The following ZNHIT6 variants were observed in gnomAD, a reference collection of about 807,000 sequenced individuals.
The protein encoded by ZNHIT6 is box C/D snoRNA protein 1.
In ZNHIT6, 45 loss-of-function variants were observed where a neutral mutation model predicts 57.2. That is an observed-to-expected ratio of 0.79 (90% CI 0.62 to 1.01). The LOEUF is 1.01. Among genes scored for constraint, ZNHIT6 ranks in the 50% least tolerant of loss-of-function variants. ZNHIT6 has a pLI of 0.00. For missense variants in ZNHIT6, 528 were observed against 567.3 expected (o/e 0.93, Z 0.70); for synonymous variants, 188 against 190.0 (o/e 0.99, Z 0.09).
intron 5 of ZNHIT6, among the ~76,000 whole-genome samples, chr1:85,683,144 G>A (rs1661925637): frequency 2.0e-5 from 3 of 152,158 alleles, no homozygotes; most frequent in African/African-American, 7.2e-5. Context: ...CTGAGCCCAG[G>A]AGATTAAGGC....
intron 8 of ZNHIT6, among the ~76,000 whole-genome samples, chr1:85,666,919 C>T (rs924961918): frequency 1.2e-4 from 19 of 152,084 alleles, no homozygotes; most frequent in Admixed American, 5.2e-4. Flanking sequence ...GTTTTATTCT[C>T]GCTTTCTTTT....
chr1:85,708,355 T>G lies in ZNHIT6; in HGVS notation c.-71A>C. The G allele has an allele frequency of 1.3e-6, 2 of 1,513,216 alleles. No homozygotes were observed. Among genetic ancestry groups the G allele is most frequent in the East Asian group, 4.6e-5 (2 of 43,868 alleles). The allele number at this position is 1,513,216 out of a possible 1,614,324, so 93.7% of individuals were successfully genotyped here. ...GGCTGCTGCACACCAATAGGAGGAA[T>G]TACCGGTCGGAATACCTACGGCGGC... On this transcript the variant is annotated 5_prime_UTR_variant, in exon 1 of 10. Coordinates refer to ENST00000370574, the MANE Select transcript of ZNHIT6 (RefSeq NM_017953.4).
chr1:85,702,074 G>A lies in ZNHIT6; in HGVS notation c.1019+83C>T, dbSNP rs534418631. 9.5e-6 allele frequency: 8 copies of A among 844,654 alleles called. No individual in the cohort carries two copies. In the East Asian group the frequency reaches 1.5e-4, roughly 16 times the overall value. The allele number at this position is 844,654 out of a possible 1,614,324, so 52.3% of individuals were successfully genotyped here. On this transcript the variant is annotated intron_variant, in intron 5 of 9. Coordinates refer to ENST00000370574, the MANE Select transcript of ZNHIT6 (RefSeq NM_017953.4). Reference sequence around the variant, plus strand: ...AGTTTACAGAACCACACTTGGGGTAGCAATGCTCTATAGCAACCAAACCTT... The same window carrying A: ...AGTTTACAGAACCACACTTGGGGTAACAATGCTCTATAGCAACCAAACCTT...
In ZNHIT6 at chr1:85,653,676, C is replaced by T. The variant is rs180679728; in HGVS notation, c.*382G>A. 134 of 157,822 alleles carry T rather than the reference C, an allele frequency of 8.5e-4. 1 individual carries two copies. In the East Asian group the frequency reaches 0.019, roughly 22 times the overall value. 9.8% of individuals were successfully genotyped at this position (157,822 alleles called of 1,614,324 possible). On this transcript the variant is annotated 3_prime_UTR_variant, in exon 10 of 10. Coordinates refer to ENST00000370574, the MANE Select transcript of ZNHIT6 (RefSeq NM_017953.4). ...CTGTTGGGAGGCTGCAGTGAGAGGA[C>T]CATTCGAGCCCAGGAATTTGAGGAA...
chr1:85,683,153 G>C (rs964586987), intron 5 of ZNHIT6, among the ~76,000 whole-genome samples: 1 of 152,100 alleles, frequency 6.6e-6, no homozygotes, highest in Non-Finnish European at 1.5e-5. Context: ...GGAGATTAAG[G>C]CTGCAGTGAA....
At position 85,694,650 on chromosome 1, in the gene ZNHIT6, C is replaced by T. The variant is rs372323875; in HGVS notation, c.1019+7507G>A. 1.0e-3 allele frequency among the ~76,000 whole-genome samples: 152 copies of T among 152,184 alleles called. 4 individuals are homozygous for T. The East Asian group carries it at 0.028, about 28-fold the overall frequency. On this transcript the variant is annotated intron_variant, in intron 5 of 9. Transcript: ENST00000370574. ...CTAATTTTTGTATTTTTAGTAGAGA[C>T]GGGGTTTCACCATGTTAGCCAGGAT... is the stretch of plus-strand genomic sequence containing the variant.
chr1:85,660,767 T>G (rs896270221), intron 8 of ZNHIT6, among the ~76,000 whole-genome samples: 8 of 152,162 alleles, frequency 5.3e-5, no homozygotes, highest in African/African-American at 1.9e-4. Context: ...GGTTCCTGTT[T>G]TACATGCTAA....
intron 8 of ZNHIT6, among the ~76,000 whole-genome samples, chr1:85,672,735 G>T (rs1339787640): frequency 6.7e-6 from 1 of 148,202 alleles, no homozygotes; most frequent in Non-Finnish European, 1.5e-5. Context: ...AAGATTAAAT[G>T]TACTTAATGG....
rs1557832557 is a variant in ZNHIT6, at chr1:85,657,930, A to G, written c.1289T>C (p.Leu430Ser). The change falls in exon 9 of 10, where the codon TTG becomes TCG. Residue 430 changes from leucine to serine, a missense_variant. Physicochemically the swap from Leu to Ser is moderately radical, Grantham distance 145 (BLOSUM62 -2). Transcript: ENST00000370574. ...LDPYKSLLDN[L>S]RNKVIIEYPT... ...ATACTCAATGATCACTTTGTTCCTCAAATTGTCTAGGAGACTTTTATAAGG... is the reference window on the plus strand; with the variant it reads ...ATACTCAATGATCACTTTGTTCCTCGAATTGTCTAGGAGACTTTTATAAGG... 2 of 1,590,338 alleles carry G rather than the reference A, an allele frequency of 1.3e-6. No homozygotes were observed. Among genetic ancestry groups the G allele is most frequent in the Non-Finnish European group, 1.7e-6 (2 of 1,161,996 alleles).
chr1:85,676,473 A>G (rs916245584), intron 8 of ZNHIT6, among the ~76,000 whole-genome samples: 4 of 152,248 alleles, frequency 2.6e-5, no homozygotes, highest in African/African-American at 9.6e-5. Context: ...CCTAGCTTTC[A>G]GCCTATCTCG....
intron 8 of ZNHIT6, among the ~76,000 whole-genome samples, chr1:85,669,611 C>T (rs1284618725): frequency 6.6e-6 from 1 of 152,070 alleles, no homozygotes; most frequent in Non-Finnish European, 1.5e-5. Context: ...TCCATGAAAT[C>T]AAAGCTTAGG....
At chr1:85,689,920 G>A (rs1386010314) in intron 5 of ZNHIT6, among the ~76,000 whole-genome samples, 1 of 152,140 alleles carries the variant, frequency 6.6e-6, no homozygotes, top group Non-Finnish European at 1.5e-5. Context: ...AAGTAGAAAG[G>A]AGACCAGATA....
chr1:85,683,246 A>C (rs2100687390), intron 5 of ZNHIT6, among the ~76,000 whole-genome samples: 1 of 151,380 alleles, frequency 6.6e-6, no homozygotes, highest in South Asian at 2.1e-4. Flanking sequence ...AGGCCAGGCA[A>C]GGTGGCTCAC....
chr1:85,698,452 G>A (rs1427408191), intron 5 of ZNHIT6, among the ~76,000 whole-genome samples: 5 of 151,820 alleles, frequency 3.3e-5, no homozygotes, highest in Non-Finnish European at 7.4e-5. Flanking sequence ...CTTCATATAC[G>A]GGCTTTTACA....
intron 8 of ZNHIT6, among the ~76,000 whole-genome samples, chr1:85,671,270 C>G (rs1661550372): frequency 6.6e-6 from 1 of 152,070 alleles, no homozygotes; most frequent in Non-Finnish European, 1.5e-5. Context: ...GAATGTATAG[C>G]TAATATTACA....
chr1:85,703,785 C>T (rs1377376719), intron 4 of ZNHIT6, among the ~76,000 whole-genome samples: 2 of 152,022 alleles, frequency 1.3e-5, no homozygotes, highest in African/African-American at 4.8e-5. Flanking sequence ...ATAAATTTGA[C>T]TACATTAAAA....
Position 85,706,327 on chromosome 1 carries a change from C to G in ZNHIT6, c.751G>C (p.Glu251Gln), listed in dbSNP as rs1432552983. 6.2e-7 allele frequency: 1 copy of G among 1,613,756 alleles called. No individual in the cohort carries two copies. The highest frequency in any genetic ancestry group is 2.2e-5 in the East Asian group (1 of 44,836). ...TCTCGAACTCCATTACATGTCAGTT[C>G]TGCTTTGTGTTTCTTTACACAGGGC... is the stretch of plus-strand genomic sequence containing the variant. ...SLPCVKKHKA[E>Q]LTCNGVRDKT... is the part of the protein sequence containing the mutation. Residue 251 changes from glutamate (E) to glutamine (Q), a missense_variant, in exon 3 of 10, where the codon GAA becomes CAA. Glu to Gln is a conservative substitution (Grantham distance 29, BLOSUM62 2). Coordinates refer to ENST00000370574, the MANE Select transcript of ZNHIT6 (RefSeq NM_017953.4).
chr1:85,682,178 AT>A lies in ZNHIT6; in HGVS notation c.1020-1275del, dbSNP rs11394558. On this transcript the variant is annotated intron_variant, in intron 5 of 9. Coordinates refer to ENST00000370574, the MANE Select transcript of ZNHIT6 (RefSeq NM_017953.4). ...AGGTGCTCGCCACCACGCCCGGCTAATTTTTTTTTTTTTTTTTTGGTATTTT... is the reference window on the plus strand; with the variant it reads ...AGGTGCTCGCCACCACGCCCGGCTAATTTTTTTTTTTTTTTTTGGTATTTT... Among the ~76,000 whole-genome samples the A allele has an allele frequency of 2.6e-3, 340 of 130,166 alleles. 2 individuals are homozygous for A. The highest frequency in any genetic ancestry group is 7.8e-3 in the Middle Eastern group (2 of 258). The allele number at this position is 130,166 out of a possible 152,430, so 85.4% of individuals were successfully genotyped here. A position where few individuals can be genotyped will look rare whatever the true frequency, so the allele number is the denominator to read the frequency against.
intron 4 of ZNHIT6, among the ~76,000 whole-genome samples, chr1:85,705,209 C>T (rs1440575114): frequency 1.3e-5 from 2 of 152,022 alleles, no homozygotes; most frequent in Admixed American, 1.3e-4. Context: ...AAACCCTCAC[C>T]AGTTTCTTTT....
Sources: gnomAD v4.1 joint callset for allele counts (sites outside exome capture counted in the v4.1 genomes callset) on GRCh38, gnomAD v4.1.1 for gene constraint, MANE v1.5 for transcripts, NCBI Gene and HGNC (gene_info 2026-07-23, HGNC 2026-07-21) for gene names.